NELFCD: variants seen among roughly 807,000 people sequenced by gnomAD.
NELFCD encodes negative elongation factor complex member C/D.
Under a neutral mutation model 72.9 loss-of-function variants are expected in NELFCD, and 48 were observed. That is an observed-to-expected ratio of 0.66 (90% confidence interval 0.52 to 0.84). NELFCD has a LOEUF of 0.84. Ranked by LOEUF, NELFCD falls within the 40% of genes least tolerant of loss-of-function variation. NELFCD has a pLI of 0.00. For synonymous variants in NELFCD, 297 were observed against 280.6 expected (o/e 1.06, Z -0.59); for missense variants, 538 against 723.8 (o/e 0.74, Z 2.94).
chr20:58,991,804 A>G (rs535759419), intron 9 of NELFCD, 77 bp from the exon 10 acceptor site: 1 of 1,529,414 alleles, frequency 6.5e-7, no homozygotes, highest in African/African-American at 1.4e-5. Flanking sequence ...CTTTGCAAGA[A>G]GTGGCCGACA....
At chr20:58,990,793 A>AT (rs1446719187) in intron 7 of NELFCD, 117 bp from the exon 8 acceptor site, 2 of 878,990 alleles carry the variant, frequency 2.3e-6, no homozygotes, top group East Asian at 2.4e-5. Flanking sequence ...GTCAGTCAGT[A>AT]TACTCGTGAA....
chr20:58,991,280 C>A, intron 8 of NELFCD, 32 bp from the exon 9 acceptor site: 1 of 1,613,322 alleles, frequency 6.2e-7, no homozygotes, highest in South Asian at 1.1e-5. Flanking sequence ...CTCACGCCTG[C>A]CATCCCGAAC....
At chr20:58,989,148 A>G in intron 5 of NELFCD, 127 bp downstream of exon 5, 1 of 711,966 alleles carries the variant, frequency 1.4e-6, no homozygotes, top group Non-Finnish European at 2.4e-6. Context: ...TTATTTTCAT[A>G]AGCCTTACAC....
chr20:58,986,752 A>G lies in NELFCD; in HGVS notation c.177-2A>G, dbSNP rs2091775465. On this transcript the variant is annotated splice_acceptor_variant, in intron 2 of 14. Transcript: ENST00000652272. LOFTEE classifies it high-confidence loss of function. This position sits in a 1 kb window ranked among gnomAD's most constrained non-coding sequence, Gnocchi z 4.4. The stretch of plus-strand genomic sequence containing the variant: ...TGTAATTGCTGTTGTTACTTTCCCT[A>G]GGTATTTTCAGGCAGGAGGGTCTCC... The G allele has an allele frequency of 6.3e-7, 1 of 1,578,944 alleles. No homozygotes were observed. Among genetic ancestry groups the G allele is most frequent in the Non-Finnish European group, 8.7e-7 (1 of 1,147,982 alleles).
chr20:58,993,252 C>G lies in NELFCD; in HGVS notation c.1344+140C>G. The G allele has an allele frequency of 3.6e-6, 3 of 833,216 alleles. No individual in the cohort carries two copies. Among genetic ancestry groups the G allele is most frequent in the Non-Finnish European group, 5.8e-6 (3 of 521,520 alleles). The allele number at this position is 833,216 out of a possible 1,614,324, so 51.6% of individuals were successfully genotyped here. ...TTATTTCTGTCCTGAGGATTTTCCT[C>G]TTAAGGACCTAGCTTCATTGACTGC... On this transcript the variant is annotated intron_variant, in intron 11 of 14. Transcript: ENST00000652272. This position sits in a 1 kb window ranked among gnomAD's most constrained non-coding sequence, Gnocchi z 5.0.
Position 58,989,580 on chromosome 20 carries a change from T to C in NELFCD, c.597T>C (p.Ser199=). ...LEVFSRVLRT[S]LATILDGGEE... is the part of the protein sequence containing the mutation. Reference sequence around the variant, plus strand: ...TGTTCTCGAGAGTGCTCCGGACCTCTCTAGCTACAATTTTAGATGGAGGAG... The same window carrying C: ...TGTTCTCGAGAGTGCTCCGGACCTCCCTAGCTACAATTTTAGATGGAGGAG... Residue 199 remains serine, a synonymous_variant, in exon 6 of 15, where the codon TCT becomes TCC. Transcript: ENST00000652272. 1 of 1,614,162 alleles carries C rather than the reference T, an allele frequency of 6.2e-7. No homozygotes were observed.
At chr20:58,981,896 C>T (rs2091736217) in intron 1 of NELFCD, among the ~76,000 whole-genome samples, 1 of 152,202 alleles carries the variant, frequency 6.6e-6, no homozygotes, top group Non-Finnish European at 1.5e-5. Flanking sequence ...TGTTTTTGGG[C>T]AAACTGATGG....
intron 4 of NELFCD, 49 bp downstream of exon 4, chr20:58,987,866 C>T: frequency 7.0e-7 from 1 of 1,421,344 alleles, no homozygotes; most frequent in African/African-American, 1.4e-5. Context: ...GGGTCTTTTG[C>T]AAATTCCCTG....
At chr20:58,991,606 C>T in intron 9 of NELFCD, 160 bp downstream of exon 9, 1 of 844,978 alleles carries the variant, frequency 1.2e-6, no homozygotes, top group African/African-American at 1.7e-5. Flanking sequence ...TAAACGTCTC[C>T]AGAAAATGTG....
At chr20:58,989,721 T>G in intron 6 of NELFCD, 81 bp downstream of exon 6, 1 of 1,606,764 alleles carries the variant, frequency 6.2e-7, no homozygotes, top group African/African-American at 1.3e-5. Flanking sequence ...GCTCCTTCCC[T>G]GGAGAGAATC....
Position 58,993,261 on chromosome 20 carries a change from C to T in NELFCD, c.1344+149C>T. 3.7e-6 allele frequency: 3 copies of T among 820,636 alleles called. No individual in the cohort carries two copies. Among genetic ancestry groups the T allele is most frequent in the Non-Finnish European group, 5.8e-6 (3 of 513,102 alleles). 50.8% of individuals were successfully genotyped at this position (820,636 alleles called of 1,614,324 possible). On this transcript the variant is annotated intron_variant, in intron 11 of 14. Transcript: ENST00000652272. This position sits in a 1 kb window ranked among gnomAD's most constrained non-coding sequence, Gnocchi z 5.0. The stretch of plus-strand genomic sequence containing the variant: ...TCCTGAGGATTTTCCTCTTAAGGAC[C>T]TAGCTTCATTGACTGCAGAAATTTC...
rs147835273 is a variant in NELFCD, at chr20:58,989,973, G to C, written c.773G>C (p.Arg258Pro). ...CGCAGGATCGCCCAGGAAGTGCAGCGCTTTGCCCAGGAGAAGTGAGAGGCC... is the reference window on the plus strand; with the variant it reads ...CGCAGGATCGCCCAGGAAGTGCAGCCCTTTGCCCAGGAGAAGTGAGAGGCC... ...AVRRIAQEVQRFAQEKGHDAS... is the reference protein window; with the variant it reads ...AVRRIAQEVQPFAQEKGHDAS... The change falls in exon 7 of 15, where the codon CGC becomes CCC. Residue 258 changes from arginine to proline, a missense_variant. Physicochemically the swap from Arg to Pro is moderately radical, Grantham distance 103 (BLOSUM62 -2). Transcript: ENST00000652272. The C allele has an allele frequency of 6.2e-7, 1 of 1,613,162 alleles. No homozygotes were observed. The highest frequency in any genetic ancestry group is 8.5e-7 in the Non-Finnish European group (1 of 1,180,046).
intron 1 of NELFCD, 88 bp downstream of exon 1, chr20:58,981,457 C>G (rs2091731344): frequency 4.0e-6 from 2 of 499,742 alleles, no homozygotes; most frequent in Non-Finnish European, 5.3e-6. Context: ...GGCCGCGCGG[C>G]GCGAGGCTGC....
chr20:58,986,953 T>C lies in NELFCD; in HGVS notation c.286+90T>C, dbSNP rs949090755. ...TCCTTATAACACTGATACAATGCCT[T>C]CTTTGATTTCCTGGTTTCTGAGACT... is the stretch of plus-strand genomic sequence containing the variant. On this transcript the variant is annotated intron_variant, in intron 3 of 14. Coordinates refer to ENST00000652272, the MANE Select transcript of NELFCD (RefSeq NM_198976.4). This position sits in a 1 kb window ranked among gnomAD's most constrained non-coding sequence, Gnocchi z 4.4. 2 of 697,640 alleles carry C rather than the reference T, an allele frequency of 2.9e-6. No homozygotes were observed. Among genetic ancestry groups the C allele is most frequent in the African/African-American group, 1.9e-5 (1 of 53,386 alleles). 43.2% of individuals were successfully genotyped at this position (697,640 alleles called of 1,614,324 possible).
chr20:58,982,298 A>G (rs2091741061), intron 1 of NELFCD, among the ~76,000 whole-genome samples: 1 of 151,854 alleles, frequency 6.6e-6, no homozygotes, highest in Non-Finnish European at 1.5e-5. Context: ...CTGGGATTAC[A>G]GGCACCCACC....
chr20:58,989,772 C>G, intron 6 of NELFCD, 86 bp from the exon 7 acceptor site: 1 of 1,606,356 alleles, frequency 6.2e-7, no homozygotes, highest in Non-Finnish European at 8.5e-7. Context: ...CACTCCCGGG[C>G]CCGAGCACGG....
Position 58,993,788 on chromosome 20 carries a change from A to G in NELFCD, c.1581+24A>G, listed in dbSNP as rs1333285528. 6.2e-7 allele frequency: 1 copy of G among 1,612,508 alleles called. No individual in the cohort carries two copies. The highest frequency in any genetic ancestry group is 1.7e-5 in the Admixed American group (1 of 59,980). On this transcript the variant is annotated intron_variant, in intron 13 of 14. Transcript: ENST00000652272. The surrounding 1 kb of genome is among the most constrained non-coding windows in gnomAD (Gnocchi z 5.0). ...AGGTCAGCAATGCACCGTTGGTTTC[A>G]TGTTTCATACTGTTTACACTAGCAC...
At chr20:58,985,730 A>G (rs1304042754) in intron 1 of NELFCD, among the ~76,000 whole-genome samples, 1 of 152,238 alleles carries the variant, frequency 6.6e-6, no homozygotes, top group African/African-American at 2.4e-5. Flanking sequence ...GTCAGGGATT[A>G]TGCTGGGTTC....
rs2091831177 is a variant in NELFCD, at chr20:58,993,345, C to T, written c.1345-104C>T. The stretch of plus-strand genomic sequence containing the variant: ...GCCCTGGCTTAGGTGTCAGGACCTT[C>T]TTCCACAGTGATAAGCTCTTTGGTG... On this transcript the variant is annotated intron_variant, in intron 11 of 14. Transcript: ENST00000652272. This position sits in a 1 kb window ranked among gnomAD's most constrained non-coding sequence, Gnocchi z 5.0. 3 of 1,159,202 alleles carry T rather than the reference C, an allele frequency of 2.6e-6. No individual in the cohort carries two copies. The highest frequency in any genetic ancestry group is 3.7e-6 in the Non-Finnish European group (3 of 809,450). The allele number at this position is 1,159,202 out of a possible 1,614,324, so 71.8% of individuals were successfully genotyped here. A position where few individuals can be genotyped will look rare whatever the true frequency, so the allele number is the denominator to read the frequency against.
Sources: gnomAD v4.1 joint callset for allele counts (sites outside exome capture counted in the v4.1 genomes callset) on GRCh38, gnomAD v4.1.1 for gene constraint, Gnocchi (gnomAD v3.1) non-coding constraint, MANE v1.5 for transcripts, NCBI Gene and HGNC (gene_info 2026-07-23, HGNC 2026-07-21) for gene names.